PTPRJ: variants seen among roughly 807,000 people sequenced by gnomAD.
PTPRJ encodes protein tyrosine phosphatase receptor type J.
PTPRJ carries 129 observed loss-of-function variants against 141.3 expected under a neutral mutation model. The ratio of observed to expected loss-of-function variants is 0.91; its 90% CI spans 0.79 to 1.06. The LOEUF (loss-of-function observed/expected upper bound fraction) is 1.06, where lower values mean the gene tolerates loss of function less well. PTPRJ is among the 50% of genes least tolerant of loss of function. PTPRJ has a pLI of 0.00. For missense variants in PTPRJ, 1,601 were observed against 1,679.7 expected (o/e 0.95, Z 0.82); for synonymous variants, 610 against 640.5 (o/e 0.95, Z 0.72).
At chr11:47,996,035 T>G (rs1272757305) in intron 1 of PTPRJ, among the ~76,000 whole-genome samples, 2 of 143,022 alleles carry the variant, frequency 1.4e-5, no homozygotes, top group Admixed American at 7.1e-5. Context: ...TGAAACTCCA[T>G]CTCCAAAAAA....
rs1442170964 is a variant in PTPRJ at position 48,046,909 on chromosome 11, TATA to T, written c.97-63148_97-63146del. Among the ~76,000 whole-genome samples, 597 of 89,266 alleles carry T rather than the reference TATA, an allele frequency of 6.7e-3. 35 individuals are homozygous for T. In the East Asian group the frequency reaches 0.12, roughly 18 times the overall value. 58.6% of individuals were successfully genotyped at this position (89,266 alleles called of 152,430 possible). On this transcript the variant is annotated intron_variant, in intron 1 of 24. Transcript: ENST00000418331. ...GTTTACATATATATATATATATATA[TATA>T]TTTTTTTTTTTTTTTTTTTTTGAGA...
At chr11:48,147,358 C>A (rs542577617) in intron 15 of PTPRJ, among the ~76,000 whole-genome samples, 2 of 152,360 alleles carry the variant, frequency 1.3e-5, no homozygotes, top group South Asian at 4.1e-4. Flanking sequence ...GGAGGATAAT[C>A]ATTGTGCCTA....
Position 48,012,419 on chromosome 11 carries a change from T to C in PTPRJ, c.96+31411T>C, listed in dbSNP as rs76607067. Among the ~76,000 whole-genome samples the C allele has an allele frequency of 7.2e-4, 109 of 152,272 alleles. 1 individual carries two copies. The East Asian group carries it at 0.019, about 26-fold the overall frequency. On this transcript the variant is annotated intron_variant, in intron 1 of 24. Transcript: ENST00000418331. Reference sequence around the variant, plus strand: ...CAGCAGGATTTCCCTGAGCACCTGCTCTGTGCCAAGCCCTATGCTAAGCAC... The same window carrying C: ...CAGCAGGATTTCCCTGAGCACCTGCCCTGTGCCAAGCCCTATGCTAAGCAC...
chr11:48,120,517 C>T (rs1354932525), intron 3 of PTPRJ, among the ~76,000 whole-genome samples: 1 of 152,066 alleles, frequency 6.6e-6, no homozygotes, highest in Non-Finnish European at 1.5e-5. Context: ...CCTCCACCTC[C>T]CGGGTTCAAG....
intron 1 of PTPRJ, among the ~76,000 whole-genome samples, chr11:48,033,917 C>T (rs1854057186): frequency 6.6e-6 from 1 of 152,220 alleles, no homozygotes. Context: ...TAGTAACCAG[C>T]TGACTGTTCA....
chr11:48,014,393 TG>T (rs1854898576), intron 1 of PTPRJ: 1 of 152,246 alleles, frequency 6.6e-6, no homozygotes. Context: ...CCTAGATTTT[TG>T]TTTTACTCTA....
At chr11:48,023,783 A>AAAATAAAT (rs151301730) in intron 1 of PTPRJ, among the ~76,000 whole-genome samples, 223 of 149,186 alleles carry the variant, frequency 1.5e-3, no homozygotes, top group Middle Eastern at 3.4e-3. Flanking sequence ...CTCGGACTCA[A>AAAATAAAT]AAATAAATAA....
At chr11:47,997,809 AC>A (rs1308773896) in intron 1 of PTPRJ, among the ~76,000 whole-genome samples, 1 of 152,132 alleles carries the variant, frequency 6.6e-6, no homozygotes, top group East Asian at 1.9e-4. Context: ...TCCCCCTCCC[AC>A]TAGCTCCCTG....
chr11:48,005,954 G>A (rs187950267), intron 1 of PTPRJ, among the ~76,000 whole-genome samples: 1 of 152,266 alleles, frequency 6.6e-6, no homozygotes, highest in East Asian at 1.9e-4. Flanking sequence ...TAGCCAGCTT[G>A]CAGCCACCTG....
At chr11:48,013,454 G>T (rs1034985471) in intron 1 of PTPRJ, among the ~76,000 whole-genome samples, 6 of 152,168 alleles carry the variant, frequency 3.9e-5, no homozygotes, top group Non-Finnish European at 7.4e-5. Flanking sequence ...GAAGGCCAGT[G>T]GGGGAGATGA....
intron 1 of PTPRJ, among the ~76,000 whole-genome samples, chr11:47,982,254 T>TG (rs1227205932): frequency 6.6e-6 from 1 of 152,172 alleles, no homozygotes; most frequent in East Asian, 1.9e-4. Context: ...GCAGAGAACC[T>TG]GGGAGTAGAT....
intron 1 of PTPRJ, among the ~76,000 whole-genome samples, chr11:48,004,840 T>A (rs902966250): frequency 2.6e-5 from 4 of 152,234 alleles, no homozygotes; most frequent in African/African-American, 9.6e-5. Flanking sequence ...TTAATCATTT[T>A]ATTGTTTTGT....
chr11:48,123,734 T>A lies in PTPRJ; in HGVS notation c.738T>A (p.His246Gln). Residue 246 changes from histidine (H) to glutamine (Q), a missense_variant, in exon 5 of 25, where the codon CAT becomes CAA. His to Gln is a conservative substitution (Grantham distance 24). Transcript: ENST00000418331. ...CRVLLESIGSHEELTQDSRLQ... is the reference protein window; with the variant it reads ...CRVLLESIGSQEELTQDSRLQ... ...TTCTTCTTGAAAGCATTGGAAGCCA[T>A]GAGGAGTTGACTCAAGACTCAAGAC... 1 of 1,614,130 alleles carries A rather than the reference T, an allele frequency of 6.2e-7. No homozygotes were observed. The highest frequency in any genetic ancestry group is 8.5e-7 in the Non-Finnish European group (1 of 1,180,032).
rs559013617 is a variant in PTPRJ at position 48,142,630 on chromosome 11, AAAC to A, written c.2444-283_2444-281del. Among the ~76,000 whole-genome samples, 55 of 152,342 alleles carry A rather than the reference AAAC, an allele frequency of 3.6e-4. 2 individuals are homozygous for A. The East Asian group carries it at 9.8e-3, about 27-fold the overall frequency. ...ATAAAATAAAAGCATGTACTGTTCA[AAAC>A]AACAATAGCAAAACCAAACAAGGCT... On this transcript the variant is annotated intron_variant, in intron 11 of 24. Coordinates refer to ENST00000418331, the MANE Select transcript of PTPRJ (RefSeq NM_002843.4).
At chr11:48,006,615 C>T (rs184925489) in intron 1 of PTPRJ, among the ~76,000 whole-genome samples, 122 of 152,260 alleles carry the variant, frequency 8.0e-4, no homozygotes, top group Admixed American at 2.3e-3. Context: ...TCAGCAGCCC[C>T]CTTCCATCCC....
intron 1 of PTPRJ, among the ~76,000 whole-genome samples, chr11:48,046,889 C>CATATATATATATATATATAT (rs1243672838): frequency 1.3e-5 from 1 of 76,898 alleles, no homozygotes; most frequent in African/African-American, 4.2e-5. Context: ...AATATGTTTA[C>CATATATATATATATATATAT]ATATATATAT....
Position 48,123,782 on chromosome 11 carries a change from G to A in PTPRJ, c.786G>A (p.Leu262=), listed in dbSNP as rs1856767970. Residue 262 remains leucine, a synonymous_variant, in exon 5 of 25, where the codon CTG becomes CTA. Coordinates refer to ENST00000418331, the MANE Select transcript of PTPRJ (RefSeq NM_002843.4). ...GACTTCAGGTCAATATCTCGGGCCT[G>A]AAGCCAGGGGTTCAATACAACATCA... is the stretch of plus-strand genomic sequence containing the variant. ...DSRLQVNISG[L]KPGVQYNINP... 1 of 1,614,000 alleles carries A rather than the reference G, an allele frequency of 6.2e-7. No individual in the cohort carries two copies. The highest frequency in any genetic ancestry group is 2.2e-5 in the East Asian group (1 of 44,882).
At position 47,984,357 on chromosome 11, in the gene PTPRJ, C is replaced by T. The variant is rs186565495; in HGVS notation, c.96+3349C>T. On this transcript the variant is annotated intron_variant, in intron 1 of 24. Coordinates refer to ENST00000418331, the MANE Select transcript of PTPRJ (RefSeq NM_002843.4). ...ATCAGTAATTACTTCTCAGTTCATT[C>T]ACTTCTTGGGCTAGGGAATTATTTT... 3.5e-3 allele frequency among the ~76,000 whole-genome samples: 527 copies of T among 152,278 alleles called. 4 individuals are homozygous for T. The highest frequency in any genetic ancestry group is 3.9e-3 in the Non-Finnish European group (268 of 68,024).
intron 1 of PTPRJ, among the ~76,000 whole-genome samples, chr11:48,049,406 G>A (rs1276520568): frequency 6.6e-6 from 1 of 151,902 alleles, no homozygotes; most frequent in Non-Finnish European, 1.5e-5. Context: ...GGCTGGGCAC[G>A]GTGGCTCACA....
Sources: allele counts gnomAD v4.1 joint callset (sites outside exome capture counted in the v4.1 genomes callset), GRCh38; gene constraint gnomAD v4.1.1; transcripts MANE v1.5; gene names NCBI Gene and HGNC (gene_info 2026-07-23, HGNC 2026-07-21).